The following TBCK variants were observed in gnomAD, a reference collection of about 807,000 sequenced individuals.
TBCK encodes the protein TBC domain-containing protein kinase-like protein.
TBCK carries 99 observed loss-of-function variants against 113.4 expected under a neutral mutation model. The ratio of observed to expected loss-of-function variants is 0.87; its 90% confidence interval spans 0.74 to 1.03. TBCK has a LOEUF of 1.03. TBCK is among the 50% of genes least tolerant of loss of function. The probability of loss-of-function intolerance (pLI) is 0.00; values close to 1 mark genes in which losing one functional copy is unlikely to be tolerated. For missense variants in TBCK, 1,045 were observed against 1,061.3 expected, an observed-to-expected ratio of 0.98 and a Z score of 0.21; for synonymous variants, 369 against 370.8, an observed-to-expected ratio of 1.00 and a Z score of 0.05.
At chr4:106,047,895 A>C (rs567375629) in intron 25 of TBCK, among the ~76,000 whole-genome samples, 1 of 152,082 alleles carries the variant, frequency 6.6e-6, no homozygotes, top group African/African-American at 2.4e-5. Context: ...GTTCTTTTCA[A>C]TTACTGTCTC....
rs562323170 is a variant in TBCK, at chr4:106,100,846, T to C, written c.2412-5205A>G. 2.6e-5 allele frequency among the ~76,000 whole-genome samples: 4 copies of C among 152,314 alleles called. No individual in the cohort carries two copies. The East Asian group carries it at 7.7e-4, about 29-fold the overall frequency. ...ATATTCCAGACATGCTCATCCACAA[T>C]TCTTGTAACTTCCTAAATGTGTCTG... On this transcript the variant is annotated intron_variant, in intron 24 of 25. Coordinates refer to ENST00000394708, the MANE Select transcript of TBCK (RefSeq NM_001163435.3).
intron 24 of TBCK, among the ~76,000 whole-genome samples, chr4:106,106,349 C>A (rs1409662220): frequency 6.6e-6 from 1 of 152,110 alleles, no homozygotes; most frequent in Non-Finnish European, 1.5e-5. Flanking sequence ...GTCAAATTTT[C>A]CAAGGTCGAA....
At chr4:106,276,330 A>G (rs1399545793) in intron 3 of TBCK, among the ~76,000 whole-genome samples, 1 of 152,226 alleles carries the variant, frequency 6.6e-6, no homozygotes, top group African/African-American at 2.4e-5. Flanking sequence ...TATCTTCATG[A>G]CTTCGGAGTA....
chr4:106,067,212 T>C (rs1736745025), intron 25 of TBCK, among the ~76,000 whole-genome samples: 1 of 152,154 alleles, frequency 6.6e-6, no homozygotes, highest in East Asian at 1.9e-4. Flanking sequence ...TTTTAATTTT[T>C]ATTTCCCTAA....
chr4:106,163,650 G>C (rs1481031050), intron 23 of TBCK: 1 of 152,124 alleles, frequency 6.6e-6, no homozygotes, highest in Non-Finnish European at 1.5e-5. Context: ...AAGAGAATGA[G>C]AGCCAAGCAA....
chr4:106,170,522 T>C (rs899968560), intron 23 of TBCK, among the ~76,000 whole-genome samples: 3 of 152,070 alleles, frequency 2.0e-5, no homozygotes, highest in African/African-American at 4.8e-5. Flanking sequence ...AATAAAATCA[T>C]AGAAAGTGCC....
intron 9 of TBCK, 22 bp downstream of exon 9, chr4:106,248,223 C>G (rs773196224): frequency 6.5e-7 from 1 of 1,531,454 alleles, no homozygotes; most frequent in Admixed American, 2.0e-5. Flanking sequence ...CAATGTAATC[C>G]CAATCTCTAA....
At chr4:106,218,930 T>C (rs1274791148) in intron 19 of TBCK, among the ~76,000 whole-genome samples, 2 of 151,388 alleles carry the variant, frequency 1.3e-5, no homozygotes, top group African/African-American at 2.4e-5. Flanking sequence ...CATATGTTTA[T>C]TGTGGCATTA....
chr4:106,230,254 C>T lies in TBCK; in HGVS notation c.1774+109G>A, dbSNP rs1579325564. ...CTCTTTATGGATTTTATTGGATGGA[C>T]CATCATCGTATTTTTGGGGTCAAAA... On this transcript the variant is annotated intron_variant, in intron 19 of 25. Transcript: ENST00000394708. 3 of 537,150 alleles carry T rather than the reference C, an allele frequency of 5.6e-6. No homozygotes were observed. The East Asian group carries it at 9.2e-5, about 16-fold the overall frequency. The allele number at this position is 537,150 out of a possible 1,614,324, so 33.3% of individuals were successfully genotyped here. A position where few individuals can be genotyped will look rare whatever the true frequency, so the allele number is the denominator to read the frequency against.
intron 23 of TBCK, among the ~76,000 whole-genome samples, chr4:106,166,125 G>C (rs967176944): frequency 3.1e-4 from 47 of 151,514 alleles, no homozygotes; most frequent in African/African-American, 1.1e-3. Flanking sequence ...TCTTTTTACA[G>C]CATGCATACA....
chr4:106,075,264 C>T (rs750240366), intron 25 of TBCK, among the ~76,000 whole-genome samples: 6 of 152,252 alleles, frequency 3.9e-5, no homozygotes, highest in East Asian at 3.9e-4. Flanking sequence ...AGATACATTG[C>T]TATAAAAATG....
intron 25 of TBCK, among the ~76,000 whole-genome samples, chr4:106,078,909 C>T (rs1393978221): frequency 2.6e-5 from 4 of 152,062 alleles, no homozygotes; most frequent in Admixed American, 1.3e-4. Context: ...AAACCAAATC[C>T]AGCAGTGCAT....
chr4:106,233,952 C>T (rs148577572), intron 15 of TBCK, among the ~76,000 whole-genome samples: 18 of 152,094 alleles, frequency 1.2e-4, no homozygotes, highest in African/African-American at 4.3e-4. Flanking sequence ...GGCCAACCTC[C>T]CAGACCCTAC....
intron 25 of TBCK, among the ~76,000 whole-genome samples, chr4:106,064,741 CT>C (rs1314964893): frequency 6.6e-6 from 1 of 151,950 alleles, no homozygotes; most frequent in Non-Finnish European, 1.5e-5. Flanking sequence ...GACATTTACA[CT>C]TTTTCTTAAA....
intron 19 of TBCK, among the ~76,000 whole-genome samples, chr4:106,216,951 T>C (rs1015422017): frequency 6.6e-6 from 1 of 152,120 alleles, no homozygotes; most frequent in Admixed American, 6.5e-5. Flanking sequence ...TGATGAACAT[T>C]GATGCAAAAA....
At chr4:106,282,425 AT>A (rs60306673) in intron 3 of TBCK, among the ~76,000 whole-genome samples, 1,689 of 149,146 alleles carry the variant, frequency 0.011, 31 homozygotes, top group African/African-American at 0.039. Context: ...GATCTTTATT[AT>A]TTTTTTTCTT....
Position 106,242,531 on chromosome 4 carries a change from C to T in TBCK, c.1109G>A (p.Arg370Gln). The change falls in exon 12 of 26, where the codon CGA (arginine) becomes CAA (glutamine). Residue 370 changes from arginine (R) to glutamine (Q), a missense_variant. By Grantham distance (43) the Arg-to-Gln change is conservative (BLOSUM62 1). Transcript: ENST00000394708. The part of the protein sequence containing the change: ...FEDGESFGQG[R>Q]DRSSLLDDTT... ...ATCATCTAAAAGCGAGCTTCTATCTCGACCTTGTCCAAAGCTTTCACCATC... is the reference window on the plus strand; with the variant it reads ...ATCATCTAAAAGCGAGCTTCTATCTTGACCTTGTCCAAAGCTTTCACCATC... 1.2e-6 allele frequency: 2 copies of T among 1,608,274 alleles called. No individual in the cohort carries two copies. The highest frequency in any genetic ancestry group is 1.7e-6 in the Non-Finnish European group (2 of 1,177,400).
intron 25 of TBCK, among the ~76,000 whole-genome samples, chr4:106,072,293 G>A (rs1475858515): frequency 9.9e-5 from 15 of 152,252 alleles, no homozygotes; most frequent in African/African-American, 3.6e-4. Context: ...TAGGCCTGTT[G>A]GCGACAAAAT....
At chr4:106,149,578 A>T (rs1748241868) in intron 23 of TBCK, among the ~76,000 whole-genome samples, 1 of 152,182 alleles carries the variant, frequency 6.6e-6, no homozygotes, top group Non-Finnish European at 1.5e-5. Flanking sequence ...CATATTTATC[A>T]CTTAAGTTTG....
Sources: allele counts gnomAD v4.1 joint callset (sites outside exome capture counted in the v4.1 genomes callset), GRCh38; gene constraint gnomAD v4.1.1; transcripts MANE v1.5; gene names NCBI Gene and HGNC (gene_info 2026-07-23, HGNC 2026-07-21).